VEZT: variants seen among roughly 807,000 people sequenced by gnomAD.
VEZT encodes vezatin, adherens junctions transmembrane protein, also known as vezatin.
A neutral mutation model predicts 79.9 loss-of-function variants in VEZT; 39 were observed. The observed-to-expected ratio is 0.49, with a 90% CI of 0.38 to 0.64. The LOEUF (loss-of-function observed/expected upper bound fraction) is 0.64. Among genes scored for constraint, VEZT ranks in the 30% least tolerant of loss-of-function variants. The pLI is 0.00. For synonymous variants in VEZT, 325 were observed against 327.6 expected, an observed-to-expected ratio of 0.99 and a Z score of 0.09; for missense variants, 837 against 893.1, an observed-to-expected ratio of 0.94 and a Z score of 0.80.
intron 1 of VEZT, chr12:95,224,168 G>T: frequency 2.2e-6 from 1 of 455,962 alleles, no homozygotes; most frequent in South Asian, 1.5e-5. Flanking sequence ...TTGTCCTCTG[G>T]GTTCCATTTA....
chr12:95,276,259 CTTTTTT>C (rs35034660), intron 7 of VEZT, among the ~76,000 whole-genome samples: 3 of 75,154 alleles, frequency 4.0e-5, no homozygotes, highest in Non-Finnish European at 7.1e-5. Flanking sequence ...TAATTTTTTT[CTTTTTT>C]TTTTTTTTTT....
intron 5 of VEZT, among the ~76,000 whole-genome samples, chr12:95,268,506 A>C (rs1396172248): frequency 6.6e-6 from 1 of 152,200 alleles, no homozygotes; most frequent in Non-Finnish European, 1.5e-5. Context: ...TCAAAAACAA[A>C]AAAAAAGTAA....
rs17855933 is a variant in VEZT at position 95,266,406 on chromosome 12, A to T, written c.484A>T (p.Thr162Ser). 6.2e-7 allele frequency: 1 copy of T among 1,613,680 alleles called. No individual in the cohort carries two copies. ...CATTAGCTTGCTCGTTATGCTTCCC[A>T]CTTGGTGGATTGTGTCTTCCTGGCT... ...AFISLLVMLP[T>S]WWIVSSWLVW... Residue 162 changes from threonine (T) to serine (S), a missense_variant, in exon 5 of 12, where the codon ACT becomes TCT. Thr to Ser is a moderately conservative substitution (Grantham distance 58). Transcript: ENST00000436874.
chr12:95,290,826 A>G (rs765031300), intron 9 of VEZT: 4 of 152,110 alleles, frequency 2.6e-5, no homozygotes, highest in Non-Finnish European at 4.4e-5. Flanking sequence ...ATATGTATGT[A>G]TACACATATA....
chr12:95,227,340 T>C (rs1236521076), intron 1 of VEZT, among the ~76,000 whole-genome samples: 1 of 150,238 alleles, frequency 6.7e-6, no homozygotes, highest in Admixed American at 6.6e-5. Flanking sequence ...TTTTCTTTTT[T>C]TTTTTTTTTT....
chr12:95,225,927 A>C (rs1174812449), intron 1 of VEZT, among the ~76,000 whole-genome samples: 4 of 151,904 alleles, frequency 2.6e-5, no homozygotes, highest in Non-Finnish European at 5.9e-5. Flanking sequence ...TTGTTTCTAC[A>C]AAAAATTATT....
intron 5 of VEZT, among the ~76,000 whole-genome samples, chr12:95,269,141 T>A (rs1193806838): frequency 3.3e-5 from 5 of 152,218 alleles, no homozygotes; most frequent in Admixed American, 6.5e-5. Flanking sequence ...GTATAAGCAA[T>A]TTACAAATGC....
chr12:95,285,085 C>CTAA (rs2070323414), intron 8 of VEZT, among the ~76,000 whole-genome samples: 1 of 44,676 alleles, frequency 2.2e-5, no homozygotes, highest in Non-Finnish European at 4.3e-5. Flanking sequence ...GACTCTGTCT[C>CTAA]AAAAAAAAAA....
rs530343928 is a variant in VEZT at position 95,228,397 on chromosome 12, A to C, written c.36+10511A>C. Among the ~76,000 whole-genome samples the C allele has an allele frequency of 1.3e-3, 203 of 152,294 alleles. 1 individual carries two copies. The highest frequency in any genetic ancestry group is 4.7e-3 in the African/African-American group (197 of 41,558). On this transcript the variant is annotated intron_variant, in intron 1 of 11. Transcript: ENST00000436874. The stretch of plus-strand genomic sequence containing the variant: ...TTGTATTATTGATTTGACCAATGGA[A>C]GAATATTGTTTTTGTCTGTGAACAT...
intron 10 of VEZT, among the ~76,000 whole-genome samples, chr12:95,295,334 T>C (rs2073899546): frequency 6.6e-6 from 1 of 151,848 alleles, no homozygotes; most frequent in African/African-American, 2.4e-5. Flanking sequence ...CTAATTTTTG[T>C]AGTTTTTAGT....
chr12:95,257,416 AG>A (rs60480694), intron 3 of VEZT, among the ~76,000 whole-genome samples, 177 bp downstream of exon 3: 1,532 of 152,276 alleles, frequency 0.01, 25 homozygotes, highest in African/African-American at 0.035. Context: ...GCTTTTAAAG[AG>A]GTTATTAGCC....
intron 6 of VEZT, among the ~76,000 whole-genome samples, chr12:95,273,836 T>G (rs1256968225): frequency 6.6e-6 from 1 of 152,140 alleles, no homozygotes; most frequent in Admixed American, 6.5e-5. Flanking sequence ...TATCAAAAGA[T>G]TATTATAATA....
intron 2 of VEZT, among the ~76,000 whole-genome samples, chr12:95,254,856 A>T (rs2063215361): frequency 6.6e-6 from 1 of 152,022 alleles, no homozygotes; most frequent in African/African-American, 2.4e-5. Context: ...TTATTTTTGC[A>T]TATGCTTGTT....
chr12:95,245,600 C>T (rs1348282682), intron 1 of VEZT: 1 of 456,362 alleles, frequency 2.2e-6, no homozygotes, highest in Non-Finnish European at 4.4e-6. Flanking sequence ...ATCTTTGGCC[C>T]ATTCTTCTCT....
At chr12:95,279,709 A>C (rs1185915622) in intron 7 of VEZT, among the ~76,000 whole-genome samples, 5 of 152,108 alleles carry the variant, frequency 3.3e-5, no homozygotes. Flanking sequence ...CTCCCACCCT[A>C]GCCTCCCAAG....
intron 7 of VEZT, among the ~76,000 whole-genome samples, chr12:95,281,547 T>C (rs2069100516): frequency 9.1e-6 from 1 of 110,264 alleles, no homozygotes; most frequent in African/African-American, 3.9e-5. Flanking sequence ...TCCTGGAGTA[T>C]TGATTTTTTT....
intron 6 of VEZT, among the ~76,000 whole-genome samples, chr12:95,272,699 T>C (rs1269584992): frequency 6.6e-6 from 1 of 152,184 alleles, no homozygotes; most frequent in African/African-American, 2.4e-5. Context: ...TTAAAATAAC[T>C]GTAAGGGGAT....
intron 2 of VEZT, among the ~76,000 whole-genome samples, chr12:95,256,109 T>G (rs146089688): frequency 7.9e-5 from 12 of 152,188 alleles, no homozygotes; most frequent in Middle Eastern, 3.4e-3. Flanking sequence ...TGGAGTGCAA[T>G]GGCGCGATCT....
intron 8 of VEZT, among the ~76,000 whole-genome samples, chr12:95,285,643 G>A (rs1163481728): frequency 6.6e-6 from 1 of 151,888 alleles, no homozygotes; most frequent in Non-Finnish European, 1.5e-5. Context: ...TTTTGTGCCT[G>A]TATTCAGCCC....
Sources: allele counts gnomAD v4.1 joint callset (sites outside exome capture counted in the v4.1 genomes callset), GRCh38; gene constraint gnomAD v4.1.1; transcripts MANE v1.5; gene names NCBI Gene and HGNC (gene_info 2026-07-23, HGNC 2026-07-21).